VPS13B: variants seen among roughly 807,000 people sequenced by gnomAD.
VPS13B encodes vacuolar protein sorting 13 homolog B, also known as intermembrane lipid transfer protein VPS13B.
Under a neutral mutation model 426.4 loss-of-function variants are expected in VPS13B, and 285 were observed. That is an observed-to-expected ratio of 0.67 (90% CI 0.61 to 0.74). The LOEUF is 0.74. Among genes scored for constraint, VPS13B ranks in the 30% least tolerant of loss-of-function variants. The pLI, the probability that VPS13B is intolerant of heterozygous loss-of-function variation, is 0.00. For missense variants in VPS13B, 4,537 were observed against 4,782.6 expected, an observed-to-expected ratio of 0.95 and a Z score of 1.51; for synonymous variants, 1,676 against 1,676.4, an observed-to-expected ratio of 1.00 and a Z score of 0.01.
At chr8:99,279,304 T>C (rs1368000985) in intron 19 of VPS13B, among the ~76,000 whole-genome samples, 1 of 152,190 alleles carries the variant, frequency 6.6e-6, no homozygotes. Flanking sequence ...TATTATTATT[T>C]TTTAGACAGA....
At chr8:99,831,803 G>T (rs1358332372) in intron 51 of VPS13B, among the ~76,000 whole-genome samples, 1 of 152,228 alleles carries the variant, frequency 6.6e-6, no homozygotes, top group African/African-American at 2.4e-5. Flanking sequence ...TTATATACAA[G>T]TACTACGCCA....
rs201787152 is a variant in VPS13B, at chr8:99,336,993, C to T, written c.2825-47215C>T. ...ATCTAGAACTAGAAATACCATTTGACCCAGCCATCCCATTACTGGGTATAT... is the reference window on the plus strand; with the variant it reads ...ATCTAGAACTAGAAATACCATTTGATCCAGCCATCCCATTACTGGGTATAT... On this transcript the variant is annotated intron_variant, in intron 19 of 61. Coordinates refer to ENST00000357162, the MANE Select transcript of VPS13B (RefSeq NM_152564.5). Among the ~76,000 whole-genome samples, 81 of 152,094 alleles carry T rather than the reference C, an allele frequency of 5.3e-4. 2 individuals carry two copies. The East Asian group carries it at 0.015, about 27-fold the overall frequency.
intron 17 of VPS13B, among the ~76,000 whole-genome samples, chr8:99,221,191 T>C (rs1815699698): frequency 7.1e-6 from 1 of 140,134 alleles, no homozygotes; most frequent in African/African-American, 2.7e-5. Flanking sequence ...TCTATCATTG[T>C]TGGACATTTG....
chr8:99,131,678 C>A (rs774067986), intron 8 of VPS13B, among the ~76,000 whole-genome samples: 1 of 152,102 alleles, frequency 6.6e-6, no homozygotes, highest in East Asian at 1.9e-4. Context: ...TGCTAACAAT[C>A]ATCTACACTT....
intron 22 of VPS13B, among the ~76,000 whole-genome samples, chr8:99,434,402 TTAAC>T (rs1228385760): frequency 1.3e-5 from 2 of 152,284 alleles, no homozygotes; most frequent in African/African-American, 2.4e-5. Flanking sequence ...ATTCAAGTAT[TTAAC>T]TAAGCCATAC....
intron 25 of VPS13B, 83 bp downstream of exon 25, chr8:99,481,885 AC>A: frequency 6.8e-7 from 1 of 1,470,902 alleles, no homozygotes. Context: ...AATGAAGATA[AC>A]CTCACTACTG....
Position 99,858,169 on chromosome 8 carries a change from G to C in VPS13B, c.10868-1135G>C, listed in dbSNP as rs1816649280. Among the ~76,000 whole-genome samples, 6 of 152,338 alleles carry C rather than the reference G, an allele frequency of 3.9e-5. No individual in the cohort carries two copies. In the South Asian group the frequency reaches 1.2e-3, roughly 32 times the overall value. ...TCCCATTACCGGGCTCTGAGCACCA[G>C]GCTGGGGAGGTCAGTGGCTTCCCGG... On this transcript the variant is annotated intron_variant, in intron 56 of 61. Coordinates refer to ENST00000357162, the MANE Select transcript of VPS13B (RefSeq NM_152564.5).
intron 35 of VPS13B, among the ~76,000 whole-genome samples, chr8:99,691,153 A>G (rs1309970783): frequency 1.3e-5 from 2 of 152,146 alleles, no homozygotes; most frequent in Non-Finnish European, 2.9e-5. Context: ...AATGTCCTGA[A>G]TAGGCAAATC....
intron 21 of VPS13B, chr8:99,429,422 G>T (rs962889989): frequency 1.3e-5 from 2 of 151,742 alleles, no homozygotes; most frequent in African/African-American, 4.8e-5. Context: ...CTTTTTTTCT[G>T]TAAATAATCT....
intron 50 of VPS13B, among the ~76,000 whole-genome samples, chr8:99,821,908 T>G (rs1814391449): frequency 6.6e-6 from 1 of 152,130 alleles, no homozygotes; most frequent in Non-Finnish European, 1.5e-5. Context: ...CTGAGAAAAA[T>G]TATGTGGATC....
intron 16 of VPS13B, among the ~76,000 whole-genome samples, chr8:99,192,490 T>C (rs1649808002): frequency 1.3e-5 from 2 of 152,212 alleles, no homozygotes; most frequent in African/African-American, 4.8e-5. Context: ...AGAGTTATTA[T>C]GGAAGGATTC....
intron 8 of VPS13B, among the ~76,000 whole-genome samples, chr8:99,125,319 G>A (rs965759871): frequency 2.6e-5 from 4 of 152,060 alleles, no homozygotes; most frequent in East Asian, 1.9e-4. Context: ...CAGCACAGGC[G>A]AAAGATGAAG....
chr8:99,319,397 G>C (rs1044608664), intron 19 of VPS13B, among the ~76,000 whole-genome samples: 2 of 152,124 alleles, frequency 1.3e-5, no homozygotes, highest in African/African-American at 4.8e-5. Flanking sequence ...ATTAAAAGTG[G>C]GTGAAAACTG....
At position 99,817,637 on chromosome 8, in the gene VPS13B, T is replaced by A. The variant is rs1205756819; in HGVS notation, c.8195T>A (p.Val2732Glu). The A allele has an allele frequency of 6.2e-7, 1 of 1,614,084 alleles. No homozygotes were observed. Among genetic ancestry groups the A allele is most frequent in the Non-Finnish European group, 8.5e-7 (1 of 1,179,994 alleles). ...QHYIGQDGQA[V>E]VREHFDCLTA... is the part of the protein sequence containing the mutation. ...TACATTGGTCAAGATGGACAAGCTG[T>A]AGTTCGGGAACATTTTGACTGCCTC... Residue 2732 changes from valine to glutamate, a missense_variant, in exon 45 of 62, where the codon GTA becomes GAA. By Grantham distance (121) the Val-to-Glu change is moderately radical (BLOSUM62 -2). Around this residue, in one of 2 missense-constraint regions of VPS13B, gnomAD observed 4,311 missense variants for 4,474.3 expected, o/e 0.96. Transcript: ENST00000357162.
intron 52 of VPS13B, among the ~76,000 whole-genome samples, chr8:99,834,783 C>T (rs922346206): frequency 3.9e-5 from 6 of 152,306 alleles, no homozygotes; most frequent in African/African-American, 1.2e-4. Flanking sequence ...TGGGCTTGAA[C>T]TCCTGGGCTT....
intron 36 of VPS13B, among the ~76,000 whole-genome samples, chr8:99,714,376 A>G (rs953424987): frequency 3.3e-5 from 5 of 152,160 alleles, no homozygotes; most frequent in Non-Finnish European, 7.4e-5. Context: ...GGGCGCTAGA[A>G]GGGACAGCTC....
At chr8:99,133,202 C>T (rs755035464) in intron 8 of VPS13B, among the ~76,000 whole-genome samples, 4 of 152,216 alleles carry the variant, frequency 2.6e-5, no homozygotes, top group Non-Finnish European at 4.4e-5. Flanking sequence ...GCAGCTTCTA[C>T]GTCAACCCTT....
At chr8:99,378,298 C>T (rs777466419) in intron 19 of VPS13B, among the ~76,000 whole-genome samples, 1 of 152,172 alleles carries the variant, frequency 6.6e-6, no homozygotes, top group African/African-American at 2.4e-5. Context: ...GGCTATCTCT[C>T]TTGTTCCCTG....
intron 39 of VPS13B, among the ~76,000 whole-genome samples, chr8:99,745,482 T>C (rs1463062263): frequency 2.0e-5 from 3 of 152,158 alleles, no homozygotes; most frequent in Non-Finnish European, 4.4e-5. Flanking sequence ...GAGACCATAT[T>C]AACATAACTT....
Sources: allele counts gnomAD v4.1 joint callset (sites outside exome capture counted in the v4.1 genomes callset), GRCh38; gene constraint gnomAD v4.1.1; regional missense constraint gnomAD v4.1.1; transcripts MANE v1.5; gene names NCBI Gene and HGNC (gene_info 2026-07-23, HGNC 2026-07-21).